Variants in TUNAR observed in about 807,000 individuals in gnomAD.
TUNAR encodes protein TUNAR.
chr14:95,911,161 C>T (rs879551805), intron 2 of TUNAR, among the ~76,000 whole-genome samples: 1 of 152,226 alleles, frequency 6.6e-6, no homozygotes, highest in South Asian at 2.1e-4. Flanking sequence ...CCCCTCCAGC[C>T]TCAGCTCTTA....
chr14:95,894,950 G>C (rs1453365600), intron 2 of TUNAR, among the ~76,000 whole-genome samples: 2 of 152,216 alleles, frequency 1.3e-5, no homozygotes, highest in Admixed American at 1.3e-4. Context: ...CTGCGGGATG[G>C]AGTGTTCATC....
chr14:95,898,814 T>G (rs930945698), intron 2 of TUNAR, among the ~76,000 whole-genome samples: 4 of 152,210 alleles, frequency 2.6e-5, no homozygotes, highest in Non-Finnish European at 5.9e-5. Flanking sequence ...TTCTGTCTCC[T>G]CTAAGGTCAG....
intron 2 of TUNAR, among the ~76,000 whole-genome samples, chr14:95,898,907 C>A (rs1276265444): frequency 6.6e-6 from 1 of 152,152 alleles, no homozygotes; most frequent in African/African-American, 2.4e-5. Flanking sequence ...AGTCTAGCAG[C>A]TGTTGTGAGA....
chr14:95,883,072 C>A (rs532305256), intron 2 of TUNAR, among the ~76,000 whole-genome samples: 70 of 152,254 alleles, frequency 4.6e-4, no homozygotes, highest in Non-Finnish European at 8.1e-4. Context: ...AACAGTACGT[C>A]CAGTTTTGCA....
intron 2 of TUNAR, among the ~76,000 whole-genome samples, chr14:95,890,434 A>C (rs536713957): frequency 2.0e-5 from 3 of 152,188 alleles, no homozygotes; most frequent in African/African-American, 7.2e-5. Context: ...CCGGGGCCTA[A>C]TTTCCCAGGA....
chr14:95,912,832 C>G (rs924368310), intron 2 of TUNAR, among the ~76,000 whole-genome samples: 1 of 151,882 alleles, frequency 6.6e-6, no homozygotes, highest in African/African-American at 2.4e-5. Context: ...GCTCTGTCGC[C>G]CAGGCTGGAG....
intron 2 of TUNAR, among the ~76,000 whole-genome samples, chr14:95,883,352 A>T (rs1000488134): frequency 1.3e-5 from 2 of 152,194 alleles, no homozygotes; most frequent in Admixed American, 1.3e-4. Flanking sequence ...TGTCTCCTCC[A>T]CAGAGCATGC....
At chr14:95,916,171 C>G (rs1333469230) in intron 2 of TUNAR, among the ~76,000 whole-genome samples, 1 of 152,178 alleles carries the variant, frequency 6.6e-6, no homozygotes, top group East Asian at 1.9e-4. Flanking sequence ...CGCTCATGTA[C>G]CCACCACCAG....
chr14:95,905,361 A>G lies in TUNAR; in HGVS notation c.13-17420A>G, dbSNP rs1223261368. Among the ~76,000 whole-genome samples, 4 of 152,170 alleles carry G rather than the reference A, an allele frequency of 2.6e-5. No homozygotes were observed. The South Asian group carries it at 8.3e-4, about 32-fold the overall frequency. The stretch of plus-strand genomic sequence containing the variant: ...TTGCCATGTCTCCTTATTCCCCTCC[A>G]ATCTGGGGCAGTTCTTCAGTCTTTC... On this transcript the variant is annotated intron_variant, in intron 2 of 2. Transcript: ENST00000678517.
At chr14:95,881,034 C>T (rs574297666) in intron 2 of TUNAR, among the ~76,000 whole-genome samples, 6 of 152,246 alleles carry the variant, frequency 3.9e-5, no homozygotes, top group South Asian at 4.1e-4. Context: ...TAAATCAACC[C>T]GTGCTGGACC....
intron 2 of TUNAR, among the ~76,000 whole-genome samples, chr14:95,912,509 G>A (rs1889529769): frequency 6.6e-6 from 1 of 152,200 alleles, no homozygotes; most frequent in African/African-American, 2.4e-5. Context: ...CTATTCAAAT[G>A]TGTTTATTTT....
chr14:95,924,611 G>T (rs151097274), exon 3 of TUNAR: 2 of 152,256 alleles, frequency 1.3e-5, no homozygotes, highest in African/African-American at 2.4e-5. Context: ...TGAAAGGCAC[G>T]TCTCACATGG....
At chr14:95,921,600 G>T (rs994950112) in intron 2 of TUNAR, among the ~76,000 whole-genome samples, 3 of 152,164 alleles carry the variant, frequency 2.0e-5, no homozygotes, top group African/African-American at 7.2e-5. Context: ...CAGTTTAAAG[G>T]AACAGTTTAA....
At chr14:95,923,930 T>A (rs1427303710) in exon 3 of TUNAR, 1 of 152,144 alleles carries the variant, frequency 6.6e-6, no homozygotes, top group Non-Finnish European at 1.5e-5. Context: ...GAGTGATAGA[T>A]CAGCTTAAAA....
intron 2 of TUNAR, among the ~76,000 whole-genome samples, chr14:95,897,948 T>C (rs978237663): frequency 6.6e-6 from 1 of 152,168 alleles, no homozygotes; most frequent in African/African-American, 2.4e-5. Context: ...TTTTTCTGTT[T>C]TGTTTTGTTT....
intron 2 of TUNAR, among the ~76,000 whole-genome samples, chr14:95,912,203 C>T (rs1356969716): frequency 2.0e-5 from 3 of 152,068 alleles, no homozygotes; most frequent in African/African-American, 7.2e-5. Context: ...GAATTTTTCC[C>T]CCAGCATGTT....
At chr14:95,891,872 G>T (rs548483389) in intron 2 of TUNAR, among the ~76,000 whole-genome samples, 1 of 152,330 alleles carries the variant, frequency 6.6e-6, no homozygotes, top group East Asian at 1.9e-4. Context: ...GGTTGCTGGT[G>T]GTTGCCTGCA....
chr14:95,880,578 C>T (rs897059925), intron 2 of TUNAR, among the ~76,000 whole-genome samples: 1 of 152,310 alleles, frequency 6.6e-6, no homozygotes, highest in Middle Eastern at 3.4e-3. Flanking sequence ...CTTTAGGGTT[C>T]AGGGGACTTG....
At chr14:95,916,681 T>A in intron 2 of TUNAR, among the ~76,000 whole-genome samples, 1 of 152,222 alleles carries the variant, frequency 6.6e-6, no homozygotes, top group Non-Finnish European at 1.5e-5. Flanking sequence ...TATGTTTGGC[T>A]TTATAAGATA....
Sources: allele counts gnomAD v4.1 joint callset (sites outside exome capture counted in the v4.1 genomes callset), GRCh38; gene constraint gnomAD v4.1.1; transcripts MANE v1.5; gene names NCBI Gene and HGNC (gene_info 2026-07-23, HGNC 2026-07-21).